Variants in WDR47 observed in about 807,000 individuals in gnomAD.
The protein encoded by WDR47 is WD repeat domain 47.
In WDR47, 32 loss-of-function variants were observed where a neutral mutation model predicts 97.2. That is an observed-to-expected ratio of 0.33 (90% CI 0.25 to 0.44). The LOEUF (loss-of-function observed/expected upper bound fraction) is 0.44. WDR47 is among the 20% of genes least tolerant of loss of function. The pLI is 1.00. For synonymous variants in WDR47, 375 were observed against 373.5 expected, an observed-to-expected ratio of 1.00 and a Z score of -0.05; for missense variants, 782 against 1,102.3, an observed-to-expected ratio of 0.71 and a Z score of 4.11.
At chr1:108,983,804 G>T (rs1571148725) in intron 10 of WDR47, among the ~76,000 whole-genome samples, 1 of 149,712 alleles carries the variant, frequency 6.7e-6, no homozygotes, top group Non-Finnish European at 1.5e-5. Context: ...AATGCAATAA[G>T]CATGTAATAA....
chr1:108,997,836 G>A (rs1211215611), intron 7 of WDR47, among the ~76,000 whole-genome samples: 1 of 151,428 alleles, frequency 6.6e-6, no homozygotes, highest in Non-Finnish European at 1.5e-5. Flanking sequence ...AGAAGATTTA[G>A]ACCCAAAACT....
At chr1:108,999,228 CA>C (rs35631324) in intron 7 of WDR47, among the ~76,000 whole-genome samples, 136 of 120,886 alleles carry the variant, frequency 1.1e-3, no homozygotes, top group Middle Eastern at 4.5e-3. Context: ...ACTCTGTCCC[CA>C]AAAAAAAAAA....
At chr1:108,999,661 G>A (rs1660031514) in intron 7 of WDR47, among the ~76,000 whole-genome samples, 2 of 150,850 alleles carry the variant, frequency 1.3e-5, no homozygotes, top group African/African-American at 2.4e-5. Context: ...GCAACAGAGC[G>A]AGACCCTGTC....
chr1:109,024,298 T>TAAA (rs921903420), intron 1 of WDR47, among the ~76,000 whole-genome samples: 3 of 151,774 alleles, frequency 2.0e-5, no homozygotes, highest in Admixed American at 6.6e-5. Flanking sequence ...CAAAAAAAAT[T>TAAA]AAAAAATTAG....
At chr1:109,028,124 T>A (rs781518594) in intron 1 of WDR47, among the ~76,000 whole-genome samples, 1 of 152,174 alleles carries the variant, frequency 6.6e-6, no homozygotes. Flanking sequence ...CTGAATTAAC[T>A]TGAGATGTAA....
intron 9 of WDR47, chr1:108,987,173 C>T: frequency 5.5e-6 from 1 of 180,560 alleles, no homozygotes; most frequent in Non-Finnish European, 1.3e-5. Context: ...AATGGTGTTT[C>T]TTCTATCTTC....
chr1:109,023,120 G>A (rs1322321284), intron 2 of WDR47, among the ~76,000 whole-genome samples: 2 of 151,754 alleles, frequency 1.3e-5, no homozygotes, highest in East Asian at 2.0e-4. Context: ...GGAGAATGGC[G>A]TGAACCCGGG....
chr1:109,021,527 CAA>C (rs370414324), intron 2 of WDR47, among the ~76,000 whole-genome samples: 5 of 123,848 alleles, frequency 4.0e-5, no homozygotes, highest in Admixed American at 8.8e-5. Context: ...GCCTCTATCT[CAA>C]AAAAAAAAAA....
chr1:109,021,360 T>A (rs1661823643), intron 2 of WDR47, among the ~76,000 whole-genome samples: 1 of 151,950 alleles, frequency 6.6e-6, no homozygotes, highest in South Asian at 2.1e-4. Context: ...AAACCTTGCC[T>A]CTACTAAAAA....
At chr1:108,998,239 A>G (rs1219448675) in intron 7 of WDR47, among the ~76,000 whole-genome samples, 1 of 152,222 alleles carries the variant, frequency 6.6e-6, no homozygotes, top group Non-Finnish European at 1.5e-5. Flanking sequence ...ACAGTGGCTC[A>G]TGTCCGTAAT....
intron 13 of WDR47, among the ~76,000 whole-genome samples, chr1:108,979,375 G>C (rs962699563): frequency 6.6e-6 from 1 of 152,140 alleles, no homozygotes; most frequent in African/African-American, 2.4e-5. Flanking sequence ...AAAAGATGCA[G>C]AGGGGCTGGG....
At chr1:108,999,384 TAAAC>T (rs1203236134) in intron 7 of WDR47, among the ~76,000 whole-genome samples, 4 of 151,790 alleles carry the variant, frequency 2.6e-5, no homozygotes, top group African/African-American at 9.7e-5. Flanking sequence ...AAATACACTC[TAAAC>T]AAACCTAAAT....
In WDR47 at chr1:108,971,432, A is replaced by C. The variant is rs751660293; in HGVS notation, c.2758T>G (p.Ter920GluextTer15). ...CATAGACTGACATGCGGTGTGCTCT[A>C]CCCATTGTAAGTCCAGAGGGTGACA... ...RTVTLWTYNG[*>E] Residue 920 changes from the stop codon to glutamate, a stop_lost, in exon 15 of 15, where the codon TAG becomes GAG. Coordinates refer to ENST00000369962, the MANE Select transcript of WDR47 (RefSeq NM_001142551.2). 5 of 1,614,040 alleles carry C rather than the reference A, an allele frequency of 3.1e-6. No individual in the cohort carries two copies. Among genetic ancestry groups the C allele is most frequent in the Non-Finnish European group, 4.2e-6 (5 of 1,180,026 alleles).
intron 2 of WDR47, among the ~76,000 whole-genome samples, chr1:109,017,841 T>C (rs997886534): frequency 4.6e-5 from 7 of 151,640 alleles, no homozygotes; most frequent in Non-Finnish European, 1.0e-4. Flanking sequence ...CTGACTCCTG[T>C]GTTCAAGCGA....
At chr1:109,025,733 C>T (rs995158513) in intron 1 of WDR47, among the ~76,000 whole-genome samples, 6 of 151,374 alleles carry the variant, frequency 4.0e-5, no homozygotes, top group East Asian at 1.9e-4. Context: ...GACTCCATCT[C>T]GGAAAAAGAA....
chr1:109,013,350 T>C (rs569964502), intron 4 of WDR47, among the ~76,000 whole-genome samples: 1 of 152,334 alleles, frequency 6.6e-6, no homozygotes, highest in South Asian at 2.1e-4. Flanking sequence ...ACAAGTTTTC[T>C]CGGTTTTAGT....
intron 2 of WDR47, among the ~76,000 whole-genome samples, chr1:109,019,497 T>C (rs745720202): frequency 2.6e-5 from 4 of 151,998 alleles, no homozygotes; most frequent in South Asian, 2.1e-4. Flanking sequence ...TTTTGCATTC[T>C]GTCAGGACAT....
At chr1:108,974,469 TAAC>T in intron 14 of WDR47, 64 bp downstream of exon 14, 1 of 1,318,820 alleles carries the variant, frequency 7.6e-7, no homozygotes, top group Non-Finnish European at 1.1e-6. Flanking sequence ...CACATCACAT[TAAC>T]AAAAAAATAA....
intron 1 of WDR47, 84 bp downstream of exon 1, chr1:109,041,778 G>A (rs1016677258): frequency 2.0e-5 from 3 of 152,322 alleles, no homozygotes; most frequent in East Asian, 3.9e-4. Flanking sequence ...GCCGTGTCAG[G>A]TGGTGACAGG....
Sources: gnomAD v4.1 joint callset for allele counts (sites outside exome capture counted in the v4.1 genomes callset) on GRCh38, gnomAD v4.1.1 for gene constraint, MANE v1.5 for transcripts, NCBI Gene and HGNC (gene_info 2026-07-23, HGNC 2026-07-21) for gene names.